ZNF704: variants seen among roughly 807,000 people sequenced by gnomAD.
The protein encoded by ZNF704 is zinc finger protein 704.
ZNF704 carries 10 observed loss-of-function variants against 44.7 expected under a neutral mutation model. The observed-to-expected ratio is 0.22, with a 90% CI of 0.14 to 0.38. The LOEUF (loss-of-function observed/expected upper bound fraction) is 0.38, where lower values mean the gene tolerates loss of function less well. Ranked by LOEUF, ZNF704 falls within the 10% of genes least tolerant of loss-of-function variation. The pLI, the probability that ZNF704 is intolerant of heterozygous loss-of-function variation, is 1.00. For missense variants in ZNF704, 390 were observed against 545.5 expected (o/e 0.71, Z 2.84); for synonymous variants, 211 against 207.6 (o/e 1.02, Z -0.14).
chr8:80,802,194 C>CAAA (rs748625927), intron 2 of ZNF704, among the ~76,000 whole-genome samples: 12 of 82,496 alleles, frequency 1.5e-4, no homozygotes, highest in African/African-American at 2.3e-4. Context: ...GCCTACCAAC[C>CAAA]AAAAAAAAAA....
rs139101403 is a variant in ZNF704, at chr8:80,842,074, G to C, written c.-21-20459C>G. On this transcript the variant is annotated intron_variant, in intron 1 of 8. Transcript: ENST00000327835. Reference sequence around the variant, plus strand: ...TGCCTCCCAAAGTGTTAGGATCACAGGCATGAGCTACTGTGCCTGGCCTAA... The same window carrying C: ...TGCCTCCCAAAGTGTTAGGATCACACGCATGAGCTACTGTGCCTGGCCTAA... Among the ~76,000 whole-genome samples, 8 of 152,314 alleles carry C rather than the reference G, an allele frequency of 5.3e-5. No individual in the cohort carries two copies. In the East Asian group the frequency reaches 9.6e-4, roughly 18 times the overall value.
chr8:80,810,621 G>A (rs1488811569), intron 2 of ZNF704, among the ~76,000 whole-genome samples: 1 of 152,140 alleles, frequency 6.6e-6, no homozygotes, highest in Non-Finnish European at 1.5e-5. Context: ...AACTAAAGAG[G>A]CTCTCTCAAA....
chr8:80,804,429 G>T (rs1164929492), intron 2 of ZNF704, among the ~76,000 whole-genome samples: 1 of 152,030 alleles, frequency 6.6e-6, no homozygotes, highest in Non-Finnish European at 1.5e-5. Flanking sequence ...CAACCTAAAT[G>T]CCCATCAATT....
At chr8:80,749,301 C>A (rs1806901713) in intron 2 of ZNF704, among the ~76,000 whole-genome samples, 1 of 152,158 alleles carries the variant, frequency 6.6e-6, no homozygotes. Flanking sequence ...TGAGCCCCTG[C>A]ACCTCGCCCC....
chr8:80,852,151 C>T (rs919239856), intron 1 of ZNF704, among the ~76,000 whole-genome samples: 3 of 152,132 alleles, frequency 2.0e-5, no homozygotes, highest in Non-Finnish European at 4.4e-5. Flanking sequence ...ACATACTTTG[C>T]ACATTAAGGA....
At chr8:80,836,344 C>T (rs538674322) in intron 1 of ZNF704, among the ~76,000 whole-genome samples, 1 of 152,282 alleles carries the variant, frequency 6.6e-6, no homozygotes, top group South Asian at 2.1e-4. Flanking sequence ...TTCAGATACC[C>T]ACATTGCTTG....
intron 2 of ZNF704, among the ~76,000 whole-genome samples, chr8:80,768,788 T>C (rs569799622): frequency 3.9e-5 from 6 of 152,252 alleles, no homozygotes; most frequent in South Asian, 2.1e-4. Flanking sequence ...TAGCCTGAAA[T>C]TGGCCATAGA....
chr8:80,737,973 TG>T (rs1806693309), intron 2 of ZNF704, among the ~76,000 whole-genome samples: 1 of 152,326 alleles, frequency 6.6e-6, no homozygotes, highest in South Asian at 2.1e-4. Flanking sequence ...TCTTCTAGTC[TG>T]GAACAGTTTC....
At chr8:80,845,959 C>T (rs1808761065) in intron 1 of ZNF704, among the ~76,000 whole-genome samples, 7 of 151,992 alleles carry the variant, frequency 4.6e-5, no homozygotes, top group Admixed American at 4.6e-4. Flanking sequence ...ACTATTAATT[C>T]CTAGTAATAT....
At chr8:80,814,767 T>A (rs1422974212) in intron 2 of ZNF704, among the ~76,000 whole-genome samples, 1 of 152,192 alleles carries the variant, frequency 6.6e-6, no homozygotes, top group African/African-American at 2.4e-5. Flanking sequence ...TTTTCAGTAG[T>A]CTCATACTGG....
intron 2 of ZNF704, among the ~76,000 whole-genome samples, chr8:80,706,350 AGTTTT>A (rs950329985): frequency 5.3e-5 from 8 of 152,094 alleles, no homozygotes; most frequent in African/African-American, 1.9e-4. Flanking sequence ...TTTTTTCCCT[AGTTTT>A]TTTTTTAATA....
chr8:80,776,543 TATA>T (rs980613570), intron 2 of ZNF704: 1 of 152,244 alleles, frequency 6.6e-6, no homozygotes, highest in African/African-American at 2.4e-5. Flanking sequence ...ATCAATTCTT[TATA>T]ATAATAAAAA....
intron 2 of ZNF704, among the ~76,000 whole-genome samples, chr8:80,709,361 G>A (rs900051709): frequency 1.4e-5 from 2 of 145,160 alleles, no homozygotes; most frequent in East Asian, 2.1e-4. Context: ...GGAGAATGGC[G>A]TGAACCTGGG....
At chr8:80,742,238 A>G (rs1806772619) in intron 2 of ZNF704, among the ~76,000 whole-genome samples, 1 of 152,212 alleles carries the variant, frequency 6.6e-6, no homozygotes, top group African/African-American at 2.4e-5. Flanking sequence ...TGCTTATAGA[A>G]GGACCCCTCT....
chr8:80,693,292 A>T (rs1416454774), intron 2 of ZNF704, among the ~76,000 whole-genome samples, 185 bp from the exon 3 acceptor site: 3 of 152,238 alleles, frequency 2.0e-5, no homozygotes, highest in African/African-American at 7.2e-5. Context: ...AGTCAAAGTC[A>T]TACAGTATTA....
At chr8:80,752,682 CA>C (rs963305870) in intron 2 of ZNF704, among the ~76,000 whole-genome samples, 2 of 152,132 alleles carry the variant, frequency 1.3e-5, no homozygotes, top group African/African-American at 4.8e-5. Flanking sequence ...GCTAGGATTA[CA>C]GGCCTGTGCC....
intron 2 of ZNF704, chr8:80,814,234 GAGGACATTAAAA>G (rs1488743193): frequency 6.6e-6 from 1 of 152,170 alleles, no homozygotes; most frequent in African/African-American, 2.4e-5. Context: ...ACAGGTAACG[GAGGACATTAAAA>G]AGAACAATTT....
chr8:80,654,100 T>G (rs1817968444), intron 7 of ZNF704, among the ~76,000 whole-genome samples: 1 of 152,126 alleles, frequency 6.6e-6, no homozygotes, highest in African/African-American at 2.4e-5. Flanking sequence ...AAGGATTCCC[T>G]ATTTAATAAA....
At position 80,788,749 on chromosome 8, in the gene ZNF704, AT is replaced by A. The variant is rs555524438; in HGVS notation, c.221+32624del. ...CATATACTGCAGTGGTTTCTTTAAG[AT>A]TTTTTATTACCTGAAGGGGGGAAAA... On this transcript the variant is annotated intron_variant, in intron 2 of 8. Coordinates refer to ENST00000327835, the MANE Select transcript of ZNF704 (RefSeq NM_001033723.3). 2.7e-4 allele frequency among the ~76,000 whole-genome samples: 41 copies of A among 152,196 alleles called. 1 individual carries two copies. In the South Asian group the frequency reaches 4.6e-3, roughly 17 times the overall value.
Sources: allele counts gnomAD v4.1 joint callset (sites outside exome capture counted in the v4.1 genomes callset), GRCh38; gene constraint gnomAD v4.1.1; transcripts MANE v1.5; gene names NCBI Gene and HGNC (gene_info 2026-07-23, HGNC 2026-07-21).